SCRG1: variants seen among roughly 807,000 people sequenced by gnomAD.
The protein encoded by SCRG1 is scrapie-responsive protein 1.
A neutral mutation model predicts 7.7 loss-of-function variants in SCRG1; 3 were observed. The observed-to-expected ratio is 0.39, with a 90% CI of 0.18 to 1.01. The LOEUF (loss-of-function observed/expected upper bound fraction) is 1.01. Ranked by LOEUF, SCRG1 falls within the 50% of genes least tolerant of loss-of-function variation. SCRG1 has a pLI of 0.36. For synonymous variants in SCRG1, 46 were observed against 41.2 expected (o/e 1.12, Z -0.44); for missense variants, 110 against 117.2 (o/e 0.94, Z 0.28).
the SCRG1 span, among the ~76,000 whole-genome samples, chr4:173,497,030 T>C: frequency 6.6e-6 from 1 of 151,988 alleles, no homozygotes; most frequent in African/African-American, 2.4e-5. Flanking sequence ...GGCGTGAACC[T>C]GGGAGGCAGA....
At chr4:173,498,782 G>A in the SCRG1 span, among the ~76,000 whole-genome samples, 2 of 152,122 alleles carry the variant, frequency 1.3e-5, no homozygotes, top group Admixed American at 1.3e-4. Context: ...ATATACACAC[G>A]GAGAGACAGA....
At chr4:173,506,077 A>G in the SCRG1 span, among the ~76,000 whole-genome samples, 1 of 152,270 alleles carries the variant, frequency 6.6e-6, no homozygotes, top group South Asian at 2.1e-4. The surrounding 1 kb of genome is among the most constrained non-coding windows in gnomAD (Gnocchi z 5.3). Context: ...TAGACACTGA[A>G]GCCCAGCGAA....
At chr4:173,424,172 T>A in the SCRG1 span, among the ~76,000 whole-genome samples, 1 of 152,176 alleles carries the variant, frequency 6.6e-6, no homozygotes, top group African/African-American at 2.4e-5. Flanking sequence ...GAGGGAAGTT[T>A]TTAGGGAAAA....
At chr4:173,482,909 A>T in the SCRG1 span, among the ~76,000 whole-genome samples, 2 of 139,210 alleles carry the variant, frequency 1.4e-5, no homozygotes, top group African/African-American at 5.3e-5. Flanking sequence ...ATATATATTA[A>T]ATATATAATA....
the SCRG1 span, among the ~76,000 whole-genome samples, chr4:173,446,223 T>C: frequency 6.6e-6 from 1 of 152,110 alleles, no homozygotes; most frequent in Non-Finnish European, 1.5e-5. Flanking sequence ...TTTCAGAGGG[T>C]CTATAAGGTC....
chr4:173,515,299 C>G, the SCRG1 span, among the ~76,000 whole-genome samples: 1 of 152,230 alleles, frequency 6.6e-6, no homozygotes, highest in Middle Eastern at 3.4e-3. This position sits in a 1 kb window ranked among gnomAD's most constrained non-coding sequence, Gnocchi z 4.6. Flanking sequence ...GATGTATTCG[C>G]AGTTTGGAGA....
At chr4:173,445,478 A>G in the SCRG1 span, among the ~76,000 whole-genome samples, 3 of 150,872 alleles carry the variant, frequency 2.0e-5, no homozygotes, top group South Asian at 2.1e-4. Context: ...GCTACTTGGG[A>G]GGCTGAGGCA....
chr4:173,455,476 T>C, the SCRG1 span, among the ~76,000 whole-genome samples: 1 of 152,112 alleles, frequency 6.6e-6, no homozygotes, highest in African/African-American at 2.4e-5. Flanking sequence ...CCCCTGGCCT[T>C]TGGCTGCCTA....
At chr4:173,399,492 T>TGTTTGTGTGTC (rs1739699816), upstream of SCRG1, 1 of 32,864 alleles carries the variant, frequency 3.0e-5, no homozygotes, top group African/African-American at 8.9e-5. Flanking sequence ...GTGTGTGTGT[T>TGTTTGTGTGTC]TGTGTGTCTG....
At chr4:173,391,060 A>G (rs1739422128) in intron 2 of SCRG1, 113 bp downstream of exon 2, 1 of 1,082,300 alleles carries the variant, frequency 9.2e-7, no homozygotes, top group Non-Finnish European at 1.4e-6. Flanking sequence ...TGGGATTGGA[A>G]CAGGATTTTA....
chr4:173,410,316 T>C (rs151321690), upstream of SCRG1, among the ~76,000 whole-genome samples: 2 of 152,342 alleles, frequency 1.3e-5, no homozygotes, highest in African/African-American at 4.8e-5. Context: ...GTAAACCCAA[T>C]AAGCTGTTGT....
At chr4:173,484,680 ATATATAT>A in the SCRG1 span, among the ~76,000 whole-genome samples, 1 of 95,536 alleles carries the variant, frequency 1.0e-5, no homozygotes, top group Non-Finnish European at 1.8e-5. Flanking sequence ...ATGATGTATA[ATATATAT>A]TATATATTAT....
At chr4:173,437,117 G>A in the SCRG1 span, among the ~76,000 whole-genome samples, 6 of 152,104 alleles carry the variant, frequency 3.9e-5, no homozygotes, top group South Asian at 4.1e-4. Context: ...TGCTTTCCTC[G>A]TCTTTGTTCT....
the SCRG1 span, among the ~76,000 whole-genome samples, chr4:173,425,854 T>C: frequency 6.6e-6 from 1 of 152,328 alleles, no homozygotes; most frequent in South Asian, 2.1e-4. Flanking sequence ...ATAATGATAG[T>C]AATAGGCAAT....
At chr4:173,510,772 G>A in the SCRG1 span, among the ~76,000 whole-genome samples, 2 of 151,984 alleles carry the variant, frequency 1.3e-5, no homozygotes, top group Non-Finnish European at 2.9e-5. This position sits in a 1 kb window ranked among gnomAD's most constrained non-coding sequence, Gnocchi z 5.7. Flanking sequence ...TCCCGCCTCC[G>A]CAGTCGATAA....
the SCRG1 span, among the ~76,000 whole-genome samples, chr4:173,418,596 T>C: frequency 1.3e-5 from 2 of 152,288 alleles, no homozygotes; most frequent in African/African-American, 4.8e-5. Context: ...CCAAAACCAT[T>C]TTAGAAACTC....
the SCRG1 span, among the ~76,000 whole-genome samples, chr4:173,455,847 C>T: frequency 6.6e-6 from 1 of 152,076 alleles, no homozygotes; most frequent in Non-Finnish European, 1.5e-5. Context: ...AGCCACGTCA[C>T]CTTGGGAGCA....
At chr4:173,516,800 G>T in the SCRG1 span, among the ~76,000 whole-genome samples, 4 of 152,188 alleles carry the variant, frequency 2.6e-5, no homozygotes, top group Non-Finnish European at 5.9e-5. Flanking sequence ...ACCGGGTTCC[G>T]ACTCCACCGC....
At chr4:173,501,305 C>G in the SCRG1 span, among the ~76,000 whole-genome samples, 1 of 152,314 alleles carries the variant, frequency 6.6e-6, no homozygotes, top group Non-Finnish European at 1.5e-5. The surrounding 1 kb of genome is among the most constrained non-coding windows in gnomAD (Gnocchi z 5.1). Flanking sequence ...ATTGGCTACA[C>G]CAGGGCCCCC....
Sources: allele counts gnomAD v4.1 joint callset (sites outside exome capture counted in the v4.1 genomes callset), GRCh38; gene constraint gnomAD v4.1.1; non-coding constraint Gnocchi (gnomAD v3.1); transcripts MANE v1.5; gene names NCBI Gene and HGNC (gene_info 2026-07-23, HGNC 2026-07-21).